HDAC11: variants seen among roughly 807,000 people sequenced by gnomAD.
HDAC11 encodes histone deacetylase 11.
In HDAC11, 23 loss-of-function variants were observed where a neutral mutation model predicts 41.1. That is an observed-to-expected ratio of 0.56 (90% confidence interval 0.40 to 0.79). HDAC11 has a LOEUF of 0.79. Among genes scored for constraint, HDAC11 ranks in the 30% least tolerant of loss-of-function variants. HDAC11 has a pLI of 0.00. For synonymous variants in HDAC11, 187 were observed against 186.6 expected, an observed-to-expected ratio of 1.00 and a Z score of -0.02; for missense variants, 402 against 477.3, an observed-to-expected ratio of 0.84 and a Z score of 1.47.
intron 4 of HDAC11, among the ~76,000 whole-genome samples, chr3:13,497,594 A>G (rs952663979): frequency 2.6e-5 from 4 of 152,144 alleles, no homozygotes; most frequent in African/African-American, 9.7e-5. Flanking sequence ...CAGCAAAATT[A>G]GGTTTCACAT....
intron 5 of HDAC11, among the ~76,000 whole-genome samples, chr3:13,499,594 T>C (rs1702260184): frequency 6.6e-6 from 1 of 152,100 alleles, no homozygotes; most frequent in Admixed American, 6.5e-5. Flanking sequence ...CCCCCAGCCT[T>C]TGGCTCTGAA....
rs1346869541 is a variant in HDAC11, at chr3:13,502,806, T to C, written c.553-78T>C. ...CTGCCCTGGCAAATGGGGAGTTTCCTGAGGGGTGGGTGGGTGGCAGAGCCC... is the reference window on the plus strand; with the variant it reads ...CTGCCCTGGCAAATGGGGAGTTTCCCGAGGGGTGGGTGGGTGGCAGAGCCC... On this transcript the variant is annotated intron_variant, in intron 7 of 9. Transcript: ENST00000295757. This position sits in a 1 kb window ranked among gnomAD's most constrained non-coding sequence, Gnocchi z 4.1. 1.8e-6 allele frequency: 2 copies of C among 1,118,252 alleles called. No homozygotes were observed. Among genetic ancestry groups the C allele is most frequent in the Non-Finnish European group, 2.7e-6 (2 of 744,930 alleles). The allele number at this position is 1,118,252 out of a possible 1,614,324, so 69.3% of individuals were successfully genotyped here.
At chr3:13,494,366 G>A (rs1470283905) in intron 3 of HDAC11, among the ~76,000 whole-genome samples, 1 of 152,232 alleles carries the variant, frequency 6.6e-6, no homozygotes, top group Non-Finnish European at 1.5e-5. Flanking sequence ...TGGGATGAGT[G>A]TGGTGAACAA....
In HDAC11 at chr3:13,498,552, G is replaced by A. The variant is rs779705579; in HGVS notation, c.409G>A (p.Val137Met). The change falls in exon 5 of 10, where the codon GTG becomes ATG. Residue 137 changes from valine to methionine, a missense_variant. Val to Met is a conservative substitution (Grantham distance 21, BLOSUM62 1). Transcript: ENST00000295757. Reference sequence around the variant, plus strand: ...TGTGGAGCGAGGCTGGGCCATCAACGTGGGTGAGTGCTGGGAATGTCCTCG... The same window carrying A: ...TGTGGAGCGAGGCTGGGCCATCAACATGGGTGAGTGCTGGGAATGTCCTCG... ...LAVERGWAIN[V>M]GGGFHHCSSD... is the part of the protein sequence containing the mutation. 1.2e-5 allele frequency: 20 copies of A among 1,613,896 alleles called. No homozygotes were observed. Among genetic ancestry groups the A allele is most frequent in the East Asian group, 2.2e-5 (1 of 44,882 alleles).
intron 3 of HDAC11, among the ~76,000 whole-genome samples, chr3:13,489,502 G>C (rs1035129483): frequency 5.3e-5 from 8 of 152,186 alleles, no homozygotes; most frequent in African/African-American, 1.9e-4. Flanking sequence ...TGGTACCTTT[G>C]TAGAAAATCA....
At chr3:13,485,365 G>A (rs996252719) in intron 3 of HDAC11, among the ~76,000 whole-genome samples, 1 of 152,270 alleles carries the variant, frequency 6.6e-6, no homozygotes, top group Non-Finnish European at 1.5e-5. Flanking sequence ...GGCATGCGTG[G>A]TCACAGTCCA....
rs148372569 is a variant in HDAC11, at chr3:13,504,514, G to T, written c.875G>T (p.Arg292Leu). Residue 292 changes from arginine to leucine, a missense_variant, in exon 10 of 10, where the codon CGC becomes CTC. Arg to Leu is a moderately radical substitution (Grantham distance 102). Transcript: ENST00000295757. ...DELVFRMVRGRRVPILMVTSG... is the reference protein window; with the variant it reads ...DELVFRMVRGLRVPILMVTSG... The stretch of plus-strand genomic sequence containing the variant: ...CTGGTGTTCCGGATGGTCCGTGGCC[G>T]CCGGGTGCCCATCCTTATGGTGACC... 5.0e-6 allele frequency: 8 copies of T among 1,613,360 alleles called. No individual in the cohort carries two copies. Among genetic ancestry groups the T allele is most frequent in the Admixed American group, 1.7e-5 (1 of 60,006 alleles).
chr3:13,491,819 C>G (rs1371121560), intron 3 of HDAC11, among the ~76,000 whole-genome samples: 1 of 152,264 alleles, frequency 6.6e-6, no homozygotes, highest in Non-Finnish European at 1.5e-5. Flanking sequence ...CCCATGCTCA[C>G]ATAGTGTGCT....
At chr3:13,481,466 C>T in intron 2 of HDAC11, 72 bp downstream of exon 2, 1 of 1,550,100 alleles carries the variant, frequency 6.5e-7, no homozygotes, top group East Asian at 2.2e-5. Context: ...TCATCCCCAA[C>T]ATAAGCCTCA....
chr3:13,498,191 A>G (rs28739473), intron 4 of HDAC11, among the ~76,000 whole-genome samples: 353 of 152,202 alleles, frequency 2.3e-3, no homozygotes, highest in African/African-American at 8.0e-3. Flanking sequence ...AACTTTGCCT[A>G]TTTTCCCTTT....
At chr3:13,488,959 A>T (rs992663436) in intron 3 of HDAC11, among the ~76,000 whole-genome samples, 10 of 151,096 alleles carry the variant, frequency 6.6e-5, no homozygotes, top group Non-Finnish European at 1.5e-4. Context: ...ATCTTACTGG[A>T]TGTGAAGTGG....
chr3:13,487,663 T>C (rs1701658699), intron 3 of HDAC11, among the ~76,000 whole-genome samples: 1 of 152,124 alleles, frequency 6.6e-6, no homozygotes, highest in Non-Finnish European at 1.5e-5. Context: ...GGGCAGCATC[T>C]GACATCCTGC....
chr3:13,486,766 C>T (rs935799668), intron 3 of HDAC11, among the ~76,000 whole-genome samples: 7 of 151,830 alleles, frequency 4.6e-5, no homozygotes, highest in Admixed American at 1.3e-4. Context: ...TTAGTAGAGA[C>T]GGAGTTTTCA....
rs1702506675 is a variant in HDAC11 at position 13,504,241 on chromosome 3, A to T, written c.797A>T (p.Asp266Val). Residue 266 changes from aspartate (D) to valine (V), a missense_variant, in exon 9 of 10, where the codon GAC becomes GTC. Transcript: ENST00000295757. The stretch of plus-strand genomic sequence containing the variant: ...GCAGGCACCGACATCCTCGAGGGGG[A>T]CCGCCTTGGGGGGCTGTCCATCAGC... Reference protein sequence around the residue: ...YNAGTDILEGDRLGGLSISPA... With the variant: ...YNAGTDILEGVRLGGLSISPA... The T allele has an allele frequency of 6.2e-7, 1 of 1,613,454 alleles. No individual in the cohort carries two copies. The highest frequency in any genetic ancestry group is 1.7e-5 in the Admixed American group (1 of 60,010).
At chr3:13,490,115 T>C (rs1255538785) in intron 3 of HDAC11, among the ~76,000 whole-genome samples, 1 of 152,094 alleles carries the variant, frequency 6.6e-6, no homozygotes, top group Non-Finnish European at 1.5e-5. Flanking sequence ...TGCCTCAGCC[T>C]CCCGAGTAGC....
rs925074381 is a variant in HDAC11, at chr3:13,502,554, C to T, written c.553-330C>T. ...GACCCCGAACTCCTGAGCCAGGTCA[C>T]ATGTGGACAGTCCTTTACAGTTTGC... On this transcript the variant is annotated intron_variant, in intron 7 of 9. Transcript: ENST00000295757. This position sits in a 1 kb window ranked among gnomAD's most constrained non-coding sequence, Gnocchi z 4.1. 1 of 263,640 alleles carries T rather than the reference C, an allele frequency of 3.8e-6. No individual in the cohort carries two copies. Among genetic ancestry groups the T allele is most frequent in the South Asian group, 5.2e-5 (1 of 19,356 alleles). 16.3% of individuals were successfully genotyped at this position (263,640 alleles called of 1,614,324 possible). A position where few individuals can be genotyped will look rare whatever the true frequency, so the allele number is the denominator to read the frequency against.
intron 9 of HDAC11, 82 bp downstream of exon 9, chr3:13,504,354 G>A: frequency 1.3e-6 from 2 of 1,586,476 alleles, no homozygotes; most frequent in Non-Finnish European, 1.7e-6. Flanking sequence ...CCTCATGTCA[G>A]GGAGGAGATG....
chr3:13,490,152 C>T (rs1489799653), intron 3 of HDAC11, among the ~76,000 whole-genome samples: 1 of 152,082 alleles, frequency 6.6e-6, no homozygotes, highest in African/African-American at 2.4e-5. Context: ...CGGCACCACG[C>T]CTAGCTAATT....
At position 13,484,399 on chromosome 3, in the gene HDAC11, G is replaced by A. The variant is rs79213407; in HGVS notation, c.252+835G>A. On this transcript the variant is annotated intron_variant, in intron 3 of 9. Transcript: ENST00000295757. ...AGAAGAGAAACAAGTGGGAGGGCCG[G>A]TGGTAGAGTCTGAGGTGAACTCCTG... 1.5e-3 allele frequency among the ~76,000 whole-genome samples: 233 copies of A among 152,360 alleles called. 1 individual carries two copies. Among genetic ancestry groups the A allele is most frequent in the African/African-American group, 5.4e-3 (224 of 41,580 alleles).
Sources: allele counts gnomAD v4.1 joint callset (sites outside exome capture counted in the v4.1 genomes callset), GRCh38; gene constraint gnomAD v4.1.1; non-coding constraint Gnocchi (gnomAD v3.1); transcripts MANE v1.5; gene names NCBI Gene and HGNC (gene_info 2026-07-23, HGNC 2026-07-21).